MTHFD1L: variants seen among roughly 807,000 people sequenced by gnomAD.
MTHFD1L encodes methylenetetrahydrofolate dehydrogenase (NADP+ dependent) 1 like, also known as monofunctional C1-tetrahydrofolate synthase, mitochondrial.
In MTHFD1L, 81 loss-of-function variants were observed where a neutral mutation model predicts 119.5. The observed-to-expected ratio is 0.68, with a 90% CI of 0.57 to 0.82. The LOEUF is 0.82. Among genes scored for constraint, MTHFD1L ranks in the 40% least tolerant of loss-of-function variants. MTHFD1L has a pLI of 0.00. For missense variants in MTHFD1L, 1,125 were observed against 1,253.4 expected (o/e 0.90, Z 1.55); for synonymous variants, 430 against 475.2 (o/e 0.90, Z 1.24).
chr6:150,873,007 C>T (rs1219756531), intron 1 of MTHFD1L, among the ~76,000 whole-genome samples: 1 of 151,942 alleles, frequency 6.6e-6, no homozygotes, highest in Non-Finnish European at 1.5e-5. Context: ...TTGACGATTG[C>T]CGACTTACCT....
At position 150,865,797 on chromosome 6, in the gene MTHFD1L, C is replaced by T. The variant is rs1778192145; in HGVS notation, c.-26C>T. 7 of 1,291,054 alleles carry T rather than the reference C, an allele frequency of 5.4e-6. No individual in the cohort carries two copies. The highest frequency in any genetic ancestry group is 3.4e-5 in the South Asian group (2 of 58,598). 80.0% of individuals were successfully genotyped at this position (1,291,054 alleles called of 1,614,324 possible). On this transcript the variant is annotated 5_prime_UTR_variant, in exon 1 of 28. Coordinates refer to ENST00000367321, the MANE Select transcript of MTHFD1L (RefSeq NM_015440.5). ...GCCCTCGGCAGCCGCAGCTCCGTGT[C>T]CCCTGAGAACCAGCCGTCCCGCGCC... is the stretch of plus-strand genomic sequence containing the variant.
At chr6:151,075,297 T>G (rs1438206279) in intron 26 of MTHFD1L, among the ~76,000 whole-genome samples, 1 of 151,850 alleles carries the variant, frequency 6.6e-6, no homozygotes, top group Non-Finnish European at 1.5e-5. Flanking sequence ...AGGTTAAAGG[T>G]AAAAGGATGG....
Position 150,877,604 on chromosome 6 carries a change from A to T in MTHFD1L, c.313-30A>T, listed in dbSNP as rs776094167. 8 of 1,612,034 alleles carry T rather than the reference A, an allele frequency of 5.0e-6. No homozygotes were observed. The Admixed American group carries it at 1.3e-4, about 27-fold the overall frequency. ...TTTTGTGCCTTTTCAAGCTATTTTT[A>T]TGTTGTTATGTTGTTTTTACCTTCC... is the stretch of plus-strand genomic sequence containing the variant. On this transcript the variant is annotated intron_variant, in intron 2 of 27. Coordinates refer to ENST00000367321, the MANE Select transcript of MTHFD1L (RefSeq NM_015440.5).
At chr6:150,944,940 G>C (rs1185414575) in intron 14 of MTHFD1L, among the ~76,000 whole-genome samples, 8 of 152,240 alleles carry the variant, frequency 5.3e-5, no homozygotes, top group Non-Finnish European at 1.0e-4. Context: ...GGATTGGACA[G>C]ATGTCGTTTT....
chr6:150,906,771 A>T (rs1457128245), intron 8 of MTHFD1L, among the ~76,000 whole-genome samples: 1 of 152,168 alleles, frequency 6.6e-6, no homozygotes, highest in Non-Finnish European at 1.5e-5. Context: ...GCTCCATAAA[A>T]GCATGAGCCC....
chr6:150,876,899 C>T (rs1279093276), intron 2 of MTHFD1L, among the ~76,000 whole-genome samples: 1 of 152,232 alleles, frequency 6.6e-6, no homozygotes, highest in Admixed American at 6.5e-5. Flanking sequence ...TACTTACATT[C>T]TCTGGGATCT....
intron 18 of MTHFD1L, among the ~76,000 whole-genome samples, chr6:150,960,691 G>T (rs1207637000): frequency 1.3e-5 from 2 of 152,064 alleles, no homozygotes; most frequent in Non-Finnish European, 2.9e-5. Flanking sequence ...CTCTGCTTCT[G>T]CCTGGGCTGG....
chr6:150,918,985 G>T (rs1788446757), intron 9 of MTHFD1L, among the ~76,000 whole-genome samples: 1 of 151,878 alleles, frequency 6.6e-6, no homozygotes, highest in East Asian at 2.0e-4. Flanking sequence ...TCAGAGATTT[G>T]GTAGTAGATT....
chr6:150,936,405 G>A (rs1311462821), intron 11 of MTHFD1L, among the ~76,000 whole-genome samples: 1 of 152,142 alleles, frequency 6.6e-6, no homozygotes, highest in Non-Finnish European at 1.5e-5. Flanking sequence ...GCTAGGCCCT[G>A]TCCCCAAACC....
chr6:150,954,129 G>A (rs183236538), intron 16 of MTHFD1L, among the ~76,000 whole-genome samples: 130 of 152,316 alleles, frequency 8.5e-4, no homozygotes, highest in African/African-American at 2.9e-3. Context: ...GGTGCTTTGC[G>A]TATGAAAGAA....
Position 151,066,995 on chromosome 6 carries a change from A to AT in MTHFD1L, c.2848-25456dup, listed in dbSNP as rs36035374. Among the ~76,000 whole-genome samples, 1,304 of 138,560 alleles carry AT rather than the reference A, an allele frequency of 9.4e-3. 15 individuals are homozygous for AT. Among genetic ancestry groups the AT allele is most frequent in the South Asian group, 0.016 (68 of 4,332 alleles). 90.9% of individuals were successfully genotyped at this position (138,560 alleles called of 152,430 possible). On this transcript the variant is annotated intron_variant, in intron 26 of 27. Coordinates refer to ENST00000367321, the MANE Select transcript of MTHFD1L (RefSeq NM_015440.5). ...TAAGTGTTAAAAATGTATCAATTTG[A>AT]TTTTTTTTTTTTTTTTGAGACAGAG... is the stretch of plus-strand genomic sequence containing the variant.
Position 150,877,677 on chromosome 6 carries a change from C to G in MTHFD1L, c.356C>G (p.Ala119Gly). The change falls in exon 3 of 28, where the codon GCT (alanine) becomes GGT (glycine). Residue 119 changes from alanine (A) to glycine (G), a missense_variant. This residue lies in a region of MTHFD1L where 1,058 missense variants were observed against 1,151.2 expected (regional missense o/e 0.92). Transcript: ENST00000367321. ...ATGCAGGAAATCAACCAGAATTTGG[C>G]TGAGGAGGTGAGGACTGCTGCTTTT... ...NLMQEINQNL[A>G]EEAGLNITHI... 6.2e-7 allele frequency: 1 copy of G among 1,614,208 alleles called. No homozygotes were observed.
chr6:151,058,826 G>A lies in MTHFD1L; in HGVS notation c.2847+21709G>A, dbSNP rs55824075. Among the ~76,000 whole-genome samples the A allele has an allele frequency of 1.3e-3, 195 of 152,244 alleles. 1 individual carries two copies. The highest frequency in any genetic ancestry group is 2.1e-3 in the Non-Finnish European group (142 of 68,010). On this transcript the variant is annotated intron_variant, in intron 26 of 27. Coordinates refer to ENST00000367321, the MANE Select transcript of MTHFD1L (RefSeq NM_015440.5). ...CTCATCAGTATTACAGGCATGTGCC[G>A]CCACGCCAGGCTAATTTTTTTTGTA...
intron 11 of MTHFD1L, among the ~76,000 whole-genome samples, chr6:150,934,668 A>G (rs977424527): frequency 6.6e-5 from 10 of 152,196 alleles, no homozygotes; most frequent in Non-Finnish European, 1.5e-4. Context: ...GGTTTTGTAG[A>G]TCAGAAAACT....
intron 7 of MTHFD1L, among the ~76,000 whole-genome samples, chr6:150,897,995 C>T (rs1784519860): frequency 6.6e-6 from 1 of 152,116 alleles, no homozygotes; most frequent in Non-Finnish European, 1.5e-5. Context: ...CAAGCATGCG[C>T]CACCACGCCC....
chr6:151,094,860 A>G (rs1169988160), intron 27 of MTHFD1L, among the ~76,000 whole-genome samples: 1 of 151,546 alleles, frequency 6.6e-6, no homozygotes. Context: ...TTGTATTTTA[A>G]TAGAGATGGG....
chr6:150,899,060 C>T (rs1218162577), intron 7 of MTHFD1L: 1 of 877,512 alleles, frequency 1.1e-6, no homozygotes, highest in African/African-American at 1.8e-5. Flanking sequence ...AAGCTTACTT[C>T]CAGAGGAATT....
At chr6:150,899,823 T>A (rs1423808566) in intron 7 of MTHFD1L, among the ~76,000 whole-genome samples, 1 of 151,588 alleles carries the variant, frequency 6.6e-6, no homozygotes, top group Non-Finnish European at 1.5e-5. Context: ...AATACAAAAA[T>A]TAGCTGGGTG....
intron 20 of MTHFD1L, among the ~76,000 whole-genome samples, chr6:150,983,045 G>A (rs921449023): frequency 1.3e-5 from 2 of 152,146 alleles, no homozygotes; most frequent in African/African-American, 4.8e-5. Flanking sequence ...TAATCTGATG[G>A]TAGTTCATTA....
Sources: allele counts gnomAD v4.1 joint callset (sites outside exome capture counted in the v4.1 genomes callset), GRCh38; gene constraint gnomAD v4.1.1; regional missense constraint gnomAD v4.1.1; transcripts MANE v1.5; gene names NCBI Gene and HGNC (gene_info 2026-07-23, HGNC 2026-07-21).